SH3RF3: variants seen among roughly 807,000 people sequenced by gnomAD.
The protein encoded by SH3RF3 is SH3 domain containing ring finger 3.
A neutral mutation model predicts 66.3 loss-of-function variants in SH3RF3; 29 were observed. That is an observed-to-expected ratio of 0.44 (90% confidence interval 0.33 to 0.60). SH3RF3 has a LOEUF of 0.60. SH3RF3 is among the 20% of genes least tolerant of loss of function. The probability of loss-of-function intolerance (pLI) is 0.04; values close to 1 mark genes in which losing one functional copy is unlikely to be tolerated. For missense variants in SH3RF3, 1,194 were observed against 1,190.9 expected (o/e 1.00, Z -0.04); for synonymous variants, 583 against 532.0 (o/e 1.10, Z -1.32).
intron 1 of SH3RF3, among the ~76,000 whole-genome samples, chr2:109,298,203 G>T (rs1681369363): frequency 6.6e-6 from 1 of 152,310 alleles, no homozygotes; most frequent in South Asian, 2.1e-4. Context: ...TCACCAAATA[G>T]ATGCAGAGAA....
At chr2:109,240,592 A>G (rs548209577) in intron 1 of SH3RF3, among the ~76,000 whole-genome samples, 2 of 152,278 alleles carry the variant, frequency 1.3e-5, no homozygotes, top group East Asian at 3.9e-4. Flanking sequence ...GTGGATAAAT[A>G]GGTTTTTCAT....
intron 1 of SH3RF3, among the ~76,000 whole-genome samples, chr2:109,199,214 C>G (rs1366094658): frequency 1.3e-5 from 2 of 150,450 alleles, no homozygotes; most frequent in African/African-American, 2.5e-5. Context: ...AAAAAATTAG[C>G]CAGGCGTGGT....
At chr2:109,288,754 A>G (rs935845731) in intron 1 of SH3RF3, among the ~76,000 whole-genome samples, 1 of 152,192 alleles carries the variant, frequency 6.6e-6, no homozygotes, top group Admixed American at 6.5e-5. Flanking sequence ...TCATGATGGA[A>G]GACACATGGC....
chr2:109,233,486 T>C (rs1397425323), intron 1 of SH3RF3, among the ~76,000 whole-genome samples: 1 of 152,028 alleles, frequency 6.6e-6, no homozygotes, highest in Non-Finnish European at 1.5e-5. Context: ...AGTTTGGGGG[T>C]TTTATAGGTA....
chr2:109,210,813 C>A (rs1678957713), intron 1 of SH3RF3, among the ~76,000 whole-genome samples: 1 of 152,198 alleles, frequency 6.6e-6, no homozygotes. Context: ...GCATGAGTCA[C>A]TACAAAATGT....
intron 2 of SH3RF3, among the ~76,000 whole-genome samples, chr2:109,367,825 A>G (rs569101761): frequency 2.6e-5 from 4 of 152,194 alleles, no homozygotes; most frequent in Admixed American, 6.5e-5. Context: ...AGGAGTGGCT[A>G]TTTGTAGCTC....
At chr2:109,255,424 T>C (rs1391872157) in intron 1 of SH3RF3, among the ~76,000 whole-genome samples, 2 of 152,200 alleles carry the variant, frequency 1.3e-5, no homozygotes, top group Middle Eastern at 3.2e-3. Context: ...ATGATCAGTA[T>C]GAAGGTCTGT....
intron 2 of SH3RF3, among the ~76,000 whole-genome samples, chr2:109,370,920 T>C (rs1334014276): frequency 6.6e-6 from 1 of 152,268 alleles, no homozygotes; most frequent in Admixed American, 6.5e-5. Context: ...TATTTTTTTG[T>C]TCTTGGATGA....
chr2:109,233,041 G>A (rs921213512), intron 1 of SH3RF3, among the ~76,000 whole-genome samples: 1 of 152,184 alleles, frequency 6.6e-6, no homozygotes, highest in Non-Finnish European at 1.5e-5. Flanking sequence ...GCACGCAGAT[G>A]AGTGGGTGCT....
intron 1 of SH3RF3, among the ~76,000 whole-genome samples, chr2:109,257,582 C>G (rs1024251481): frequency 6.6e-6 from 1 of 152,078 alleles, no homozygotes; most frequent in Non-Finnish European, 1.5e-5. Flanking sequence ...TTACTTTCTT[C>G]CCTTGACCAC....
chr2:109,189,713 C>T (rs990294895), intron 1 of SH3RF3, among the ~76,000 whole-genome samples: 1 of 152,096 alleles, frequency 6.6e-6, no homozygotes, highest in Non-Finnish European at 1.5e-5. Flanking sequence ...TGTAAAAGCC[C>T]ATTAAAAATA....
chr2:109,398,721 C>T lies in SH3RF3; in HGVS notation c.1077C>T (p.Ser359=). The T allele has an allele frequency of 6.2e-7, 1 of 1,613,132 alleles. No individual in the cohort carries two copies. Among genetic ancestry groups the T allele is most frequent in the Non-Finnish European group, 8.5e-7 (1 of 1,179,614 alleles). Residue 359 remains serine, a synonymous_variant, in exon 4 of 10, where the codon AGC becomes AGT. Coordinates refer to ENST00000309415, the MANE Select transcript of SH3RF3 (RefSeq NM_001099289.3). ...TGGCCCCAAGTCCCACTTTAAGCAG[C>T]TCAGGGGCGGTCAGTGCCTTTCAGC... ...ASVAPSPTLS[S]SGAVSAFQRR...
chr2:109,352,141 A>G (rs1396206308), intron 2 of SH3RF3, among the ~76,000 whole-genome samples: 1 of 152,202 alleles, frequency 6.6e-6, no homozygotes, highest in African/African-American at 2.4e-5. Flanking sequence ...TTAGGATTAC[A>G]TGAGCAAAGG....
Position 109,344,251 on chromosome 2 carries a change from G to A in SH3RF3, c.574-3423G>A, listed in dbSNP as rs185550861. Among the ~76,000 whole-genome samples the A allele has an allele frequency of 2.2e-4, 34 of 152,340 alleles. No homozygotes were observed. In the East Asian group the frequency reaches 5.8e-3, roughly 26 times the overall value. ...AAGCTAAGGAATTAGGAAGGTGGCC[G>A]ATGGAGTTAGGATGGCTGGTGAGTG... On this transcript the variant is annotated intron_variant, in intron 1 of 9. Transcript: ENST00000309415.
intron 1 of SH3RF3, among the ~76,000 whole-genome samples, chr2:109,136,054 G>A (rs1377229340): frequency 6.6e-6 from 1 of 152,178 alleles, no homozygotes; most frequent in East Asian, 1.9e-4. Context: ...TGATGGAGCT[G>A]AGCAGAATTC....
intron 1 of SH3RF3, among the ~76,000 whole-genome samples, chr2:109,318,622 G>A (rs1369436130): frequency 1.3e-5 from 2 of 152,164 alleles, no homozygotes; most frequent in Non-Finnish European, 2.9e-5. Context: ...GCTCACACTG[G>A]GGGCAGCATT....
intron 7 of SH3RF3, among the ~76,000 whole-genome samples, chr2:109,437,699 G>A (rs181009044): frequency 2.9e-4 from 43 of 149,076 alleles, no homozygotes; most frequent in African/African-American, 8.4e-4. Context: ...TTGATCCTTC[G>A]CCTTCATGGC....
At chr2:109,398,302 C>T (rs1298276771) in intron 3 of SH3RF3, among the ~76,000 whole-genome samples, 1 of 152,158 alleles carries the variant, frequency 6.6e-6, no homozygotes, top group Middle Eastern at 3.2e-3. Context: ...CAGAAATGGC[C>T]AGCAGTTGAA....
chr2:109,496,059 G>A (rs892627075), intron 9 of SH3RF3, among the ~76,000 whole-genome samples: 3 of 152,178 alleles, frequency 2.0e-5, no homozygotes, highest in Admixed American at 1.3e-4. Flanking sequence ...CCACCGGGTT[G>A]CCCTGGGGTG....
Sources: gnomAD v4.1 joint callset for allele counts (sites outside exome capture counted in the v4.1 genomes callset) on GRCh38, gnomAD v4.1.1 for gene constraint, MANE v1.5 for transcripts, NCBI Gene and HGNC (gene_info 2026-07-23, HGNC 2026-07-21) for gene names.